The following ATP2B1 variants were observed in gnomAD, a reference collection of about 807,000 sequenced individuals.
ATP2B1 encodes ATPase plasma membrane Ca2+ transporting 1.
A neutral mutation model predicts 124.2 loss-of-function variants in ATP2B1; 14 were observed. The ratio of observed to expected loss-of-function variants is 0.11; its 90% CI spans 0.07 to 0.18. The LOEUF is 0.18. ATP2B1 is among the 10% of genes least tolerant of loss of function. ATP2B1 has a pLI of 1.00. For missense variants in ATP2B1, 763 were observed against 1,466.1 expected, an observed-to-expected ratio of 0.52 and a Z score of 7.83; for synonymous variants, 449 against 492.4, an observed-to-expected ratio of 0.91 and a Z score of 1.17.
chr12:89,617,175 T>C (rs985924504), intron 11 of ATP2B1, 136 bp from the exon 12 acceptor site: 7 of 684,552 alleles, frequency 1.0e-5, no homozygotes, highest in African/African-American at 9.0e-5. Context: ...TTCATTTTTA[T>C]AGACTTAAAT....
intron 1 of ATP2B1, among the ~76,000 whole-genome samples, chr12:89,672,610 T>C (rs550254739): frequency 6.6e-6 from 1 of 152,278 alleles, no homozygotes; most frequent in African/African-American, 2.4e-5. Context: ...TGTACAATTC[T>C]AATTTTATAT....
intron 1 of ATP2B1, among the ~76,000 whole-genome samples, chr12:89,691,515 A>G (rs1433778842): frequency 6.6e-6 from 1 of 152,164 alleles, no homozygotes; most frequent in Non-Finnish European, 1.5e-5. Context: ...AATACTTTAC[A>G]CAAAAATCTT....
intron 1 of ATP2B1, among the ~76,000 whole-genome samples, chr12:89,686,039 T>C (rs530107419): frequency 1.3e-5 from 2 of 152,282 alleles, no homozygotes; most frequent in African/African-American, 2.4e-5. Context: ...CATTCTGTTA[T>C]GGAGCCCTAG....
intron 1 of ATP2B1, among the ~76,000 whole-genome samples, chr12:89,700,258 T>A (rs1253088684): frequency 6.6e-6 from 1 of 152,154 alleles, no homozygotes; most frequent in Non-Finnish European, 1.5e-5. Context: ...GACAGTTTGA[T>A]GCTAGAGGAG....
At chr12:89,687,492 T>C (rs2136693528) in intron 1 of ATP2B1, among the ~76,000 whole-genome samples, 1 of 152,166 alleles carries the variant, frequency 6.6e-6, no homozygotes, top group South Asian at 2.1e-4. Flanking sequence ...TTACATGAGG[T>C]ACTTGAACAT....
intron 1 of ATP2B1, among the ~76,000 whole-genome samples, chr12:89,687,167 G>A (rs1387817615): frequency 6.6e-6 from 1 of 152,056 alleles, no homozygotes; most frequent in Non-Finnish European, 1.5e-5. Context: ...ACTGCATAAC[G>A]TTTCGGTCAA....
At chr12:89,685,090 G>A (rs1889806675) in intron 1 of ATP2B1, among the ~76,000 whole-genome samples, 1 of 152,096 alleles carries the variant, frequency 6.6e-6, no homozygotes, top group Non-Finnish European at 1.5e-5. Flanking sequence ...GTATTTTATT[G>A]TGACAGTCAT....
intron 18 of ATP2B1, among the ~76,000 whole-genome samples, chr12:89,602,084 T>G (rs1364360232): frequency 6.6e-6 from 1 of 152,182 alleles, no homozygotes; most frequent in African/African-American, 2.4e-5. Context: ...AATACAGTGC[T>G]TATGTTTTGC....
rs184669349 is a variant in ATP2B1 at position 89,589,538 on chromosome 12, G to A, written c.*1446C>T. ...TTAAAATAAATGTATCAAAGACAAT[G>A]GTGGTCATTGTTGTTATGTTTTTTA... On this transcript the variant is annotated 3_prime_UTR_variant, in exon 21 of 21. Coordinates refer to ENST00000428670, the MANE Select transcript of ATP2B1 (RefSeq NM_001366521.1). 5.3e-5 allele frequency: 8 copies of A among 152,148 alleles called. No individual in the cohort carries two copies. In the East Asian group the frequency reaches 1.5e-3, roughly 29 times the overall value. 9.4% of individuals were successfully genotyped at this position (152,148 alleles called of 1,614,324 possible).
At chr12:89,598,979 A>G in intron 20 of ATP2B1, 138 bp downstream of exon 20, 2 of 1,079,614 alleles carry the variant, frequency 1.9e-6, no homozygotes, top group African/African-American at 1.6e-5. Flanking sequence ...TCCAGGCACC[A>G]GTATTACTTT....
At chr12:89,655,611 C>A in intron 2 of ATP2B1, 68 bp downstream of exon 2, 1 of 1,438,980 alleles carries the variant, frequency 6.9e-7, no homozygotes, top group Non-Finnish European at 9.7e-7. Context: ...TATAAGCATG[C>A]TCATTTATAA....
At chr12:89,658,968 T>C (rs1886340785) in intron 1 of ATP2B1, among the ~76,000 whole-genome samples, 2 of 152,200 alleles carry the variant, frequency 1.3e-5, no homozygotes, top group Admixed American at 1.3e-4. Flanking sequence ...TTGTTGTCTA[T>C]TTCTAGATCA....
At chr12:89,660,313 G>T (rs1886550598) in intron 1 of ATP2B1, among the ~76,000 whole-genome samples, 1 of 152,196 alleles carries the variant, frequency 6.6e-6, no homozygotes, top group Admixed American at 6.5e-5. Context: ...ACAGAATTGG[G>T]ATCTGGACAA....
chr12:89,601,028 G>A (rs565109866), intron 19 of ATP2B1, among the ~76,000 whole-genome samples: 3 of 151,976 alleles, frequency 2.0e-5, no homozygotes, highest in African/African-American at 7.2e-5. Context: ...ACAGATATTA[G>A]CATCCTAACC....
chr12:89,707,827 C>T (rs1292009042), intron 1 of ATP2B1, among the ~76,000 whole-genome samples: 1 of 152,162 alleles, frequency 6.6e-6, no homozygotes, highest in Non-Finnish European at 1.5e-5. Context: ...ACAGGATTCT[C>T]CCGCAGGATG....
chr12:89,679,933 A>G (rs1272850771), intron 1 of ATP2B1, among the ~76,000 whole-genome samples: 1 of 152,140 alleles, frequency 6.6e-6, no homozygotes, highest in Admixed American at 6.6e-5. Flanking sequence ...TGTCCCTTGG[A>G]GATATGGCAG....
chr12:89,613,114 G>C (rs1315369489), intron 12 of ATP2B1, among the ~76,000 whole-genome samples: 2 of 151,712 alleles, frequency 1.3e-5, no homozygotes. Context: ...TGAGTAGCTG[G>C]GATCACAGGT....
chr12:89,627,173 T>C (rs1284853875), intron 7 of ATP2B1, among the ~76,000 whole-genome samples: 1 of 152,112 alleles, frequency 6.6e-6, no homozygotes, highest in Non-Finnish European at 1.5e-5. Flanking sequence ...TCTGAAACTT[T>C]TTGAGCACTG....
intron 11 of ATP2B1, among the ~76,000 whole-genome samples, chr12:89,618,446 A>C (rs944558157): frequency 6.6e-6 from 1 of 152,244 alleles, no homozygotes; most frequent in African/African-American, 2.4e-5. Context: ...GCAGAGAAAG[A>C]GTCAATGCCT....
Sources: gnomAD v4.1 joint callset for allele counts (sites outside exome capture counted in the v4.1 genomes callset) on GRCh38, gnomAD v4.1.1 for gene constraint, MANE v1.5 for transcripts, NCBI Gene and HGNC (gene_info 2026-07-23, HGNC 2026-07-21) for gene names.